Variants in ZNF157 observed in about 807,000 individuals in gnomAD.
ZNF157 encodes the protein zinc finger protein 22.
ZNF157 carries 8 observed loss-of-function variants against 9.4 expected under a neutral mutation model. That is an observed-to-expected ratio of 0.85 (90% CI 0.50 to 1.53). ZNF157 has a LOEUF of 1.53. Among genes scored for constraint, ZNF157 ranks in the 40% most tolerant of loss-of-function variants. ZNF157 has a pLI of 0.00. For missense variants in ZNF157, 316 were observed against 385.2 expected, an observed-to-expected ratio of 0.82 and a Z score of 1.50; for synonymous variants, 120 against 130.8, an observed-to-expected ratio of 0.92 and a Z score of 0.56.
intron 1 of ZNF157, among the ~76,000 whole-genome samples, chrX:47,406,360 T>TTC (rs200438396): frequency 3.7e-5 from 4 of 109,215 alleles, no homozygotes; most frequent in Non-Finnish European, 5.7e-5. Flanking sequence ...CTGTATTTCT[T>TTC]TCTCTCTCTC....
chrX:47,385,220 A>G (rs1452409920), intron 1 of ZNF157, among the ~76,000 whole-genome samples: 3 of 112,174 alleles, frequency 2.7e-5, no homozygotes, highest in Admixed American at 1.9e-4. Context: ...TTTGCCTCTC[A>G]TAACTCTTTG....
At chrX:47,393,885 A>ACC (rs1302204648) in intron 1 of ZNF157, among the ~76,000 whole-genome samples, 1 of 107,701 alleles carries the variant, frequency 9.3e-6, no homozygotes, top group African/African-American at 3.4e-5. Context: ...CAAAGTTCCA[A>ACC]CCCCAATCAG....
chrX:47,396,024 G>A lies in ZNF157; in HGVS notation c.73-14252G>A, dbSNP rs766820135. Reference sequence around the variant, plus strand: ...TAATAGTTTTCATGTTAGATGATAAGAGGATAAGAGAGGGAACAAAACAAA... The same window carrying A: ...TAATAGTTTTCATGTTAGATGATAAAAGGATAAGAGAGGGAACAAAACAAA... On this transcript the variant is annotated intron_variant, in intron 1 of 3. Transcript: ENST00000377073. 3.6e-5 allele frequency among the ~76,000 whole-genome samples: 4 copies of A among 111,640 alleles called. No homozygotes were observed. The East Asian group carries it at 1.1e-3, about 31-fold the overall frequency.
intron 1 of ZNF157, among the ~76,000 whole-genome samples, chrX:47,381,007 GAAGAGGAGC>G (rs2055860928): frequency 1.0e-5 from 1 of 99,196 alleles, no homozygotes; most frequent in Non-Finnish European, 2.0e-5. Flanking sequence ...GGAGGAGGAG[GAAGAGGAGC>G]AGGAGGAGGA....
rs748528341 is a variant in ZNF157, at chrX:47,404,076, A to G, written c.73-6200A>G. Among the ~76,000 whole-genome samples, 30 of 110,773 alleles carry G rather than the reference A, an allele frequency of 2.7e-4. No homozygotes were observed. The East Asian group carries it at 7.6e-3, about 28-fold the overall frequency. Reference sequence around the variant, plus strand: ...TCCCAGCTACTTGGGAGTCTGAGGCATGAGAATTGCTTGAACCTGGGAGGT... The same window carrying G: ...TCCCAGCTACTTGGGAGTCTGAGGCGTGAGAATTGCTTGAACCTGGGAGGT... On this transcript the variant is annotated intron_variant, in intron 1 of 3. Transcript: ENST00000377073.
chrX:47,400,293 G>A (rs754287773), intron 1 of ZNF157, among the ~76,000 whole-genome samples: 1 of 110,917 alleles, frequency 9.0e-6, no homozygotes, highest in African/African-American at 3.3e-5. Context: ...GAGCCACTGT[G>A]CCCAGCCTTT....
At chrX:47,390,688 A>G (rs753429534) in intron 1 of ZNF157, among the ~76,000 whole-genome samples, 2 of 112,660 alleles carry the variant, frequency 1.8e-5, no homozygotes, top group Non-Finnish European at 3.8e-5. Flanking sequence ...CTGGGCAACA[A>G]GAGCAAAACT....
chrX:47,386,301 C>A (rs1015914048), intron 1 of ZNF157, among the ~76,000 whole-genome samples: 1 of 110,699 alleles, frequency 9.0e-6, no homozygotes, highest in Non-Finnish European at 1.9e-5. Context: ...ATTGACACAA[C>A]CCCAGGATGT....
chrX:47,406,604 A>ACCT (rs1448532696), intron 1 of ZNF157, among the ~76,000 whole-genome samples: 1 of 111,222 alleles, frequency 9.0e-6, no homozygotes, highest in East Asian at 2.8e-4. Flanking sequence ...TGAACTCCTG[A>ACCT]CCTCAGCTGA....
chrX:47,378,532 A>G lies in ZNF157; in HGVS notation c.72+7792A>G, dbSNP rs186720402. On this transcript the variant is annotated intron_variant, in intron 1 of 3. Coordinates refer to ENST00000377073, the MANE Select transcript of ZNF157 (RefSeq NM_003446.4). The stretch of plus-strand genomic sequence containing the variant: ...AAGGGCTGTTATCCTCTTTGTTTCA[A>G]CGTTAAACTATAAGCCAAGTTCCTC... 1.3e-3 allele frequency among the ~76,000 whole-genome samples: 148 copies of G among 111,778 alleles called. 3 individuals are homozygous for G. The highest frequency in any genetic ancestry group is 1.7e-3 in the Non-Finnish European group (88 of 53,142).
chrX:47,404,158 A>G (rs1453416647), intron 1 of ZNF157, among the ~76,000 whole-genome samples: 2 of 97,888 alleles, frequency 2.0e-5, no homozygotes, highest in Non-Finnish European at 4.4e-5. Context: ...CGGCAGAGCC[A>G]GACTGTTTGT....
intron 1 of ZNF157, among the ~76,000 whole-genome samples, chrX:47,378,819 C>T (rs1368211465): frequency 1.8e-5 from 2 of 110,820 alleles, no homozygotes; most frequent in African/African-American, 3.3e-5. Flanking sequence ...GCCTGGGCGA[C>T]GGTGCCAGAC....
intron 1 of ZNF157, among the ~76,000 whole-genome samples, chrX:47,408,405 G>A (rs1335822033): frequency 1.8e-5 from 2 of 110,460 alleles, no homozygotes; most frequent in Non-Finnish European, 3.8e-5. Context: ...CACCGTGCCC[G>A]GAGGCATATC....
At chrX:47,383,386 AAAAAAAAAAAAAG>A (rs1403697729) in intron 1 of ZNF157, among the ~76,000 whole-genome samples, 1 of 90,283 alleles carries the variant, frequency 1.1e-5, no homozygotes, top group African/African-American at 5.1e-5. Context: ...AAAAAAAAAA[AAAAAAAAAAAAAG>A]AAATGGGATG....
chrX:47,385,296 G>T (rs747888144), intron 1 of ZNF157, among the ~76,000 whole-genome samples: 136 of 110,763 alleles, frequency 1.2e-3, no homozygotes, highest in African/African-American at 4.4e-3. Flanking sequence ...ATATAAATTG[G>T]AATAATGATT....
At chrX:47,407,694 T>G (rs1432513553) in intron 1 of ZNF157, among the ~76,000 whole-genome samples, 1 of 110,951 alleles carries the variant, frequency 9.0e-6, no homozygotes, top group Non-Finnish European at 1.9e-5. Flanking sequence ...TTCTTTTCTT[T>G]TTTTCTTTTT....
Position 47,382,595 on chromosome X carries a change from C to CT in ZNF157, c.72+11869dup, listed in dbSNP as rs772429046. 2.0e-3 allele frequency among the ~76,000 whole-genome samples: 189 copies of CT among 96,755 alleles called. 1 individual carries two copies. Among genetic ancestry groups the CT allele is most frequent in the Middle Eastern group, 5.5e-3 (1 of 181 alleles). 84.0% of individuals were successfully genotyped at this position (96,755 alleles called of 115,157 possible). ...GCAAATTGCGAGGGAGGCATGTAGC[C>CT]TTTTTTTTTTTTTTAATCTTTGTAG... On this transcript the variant is annotated intron_variant, in intron 1 of 3. Coordinates refer to ENST00000377073, the MANE Select transcript of ZNF157 (RefSeq NM_003446.4).
At chrX:47,410,490 A>G (rs936955615) in intron 2 of ZNF157, 88 bp downstream of exon 2, 57 of 1,092,937 alleles carry the variant, frequency 5.2e-5, no homozygotes, top group Non-Finnish European at 6.4e-5. Context: ...GGGTTTAATG[A>G]TATTAAGAGT....
intron 1 of ZNF157, among the ~76,000 whole-genome samples, chrX:47,380,949 G>A (rs1405105634): frequency 2.1e-5 from 2 of 96,379 alleles, no homozygotes; most frequent in Non-Finnish European, 4.1e-5. Flanking sequence ...AACAGGAGGA[G>A]CAGGAGAAAG....
Sources: allele counts gnomAD v4.1 joint callset (sites outside exome capture counted in the v4.1 genomes callset), GRCh38; gene constraint gnomAD v4.1.1; transcripts MANE v1.5; gene names NCBI Gene and HGNC (gene_info 2026-07-23, HGNC 2026-07-21).